The following ATP2B2 variants were observed in gnomAD, a reference collection of about 807,000 sequenced individuals.
The protein encoded by ATP2B2 is plasma membrane calcium-transporting ATPase 2.
A neutral mutation model predicts 120.0 loss-of-function variants in ATP2B2; 15 were observed. That is an observed-to-expected ratio of 0.12 (90% CI 0.08 to 0.19). The LOEUF (loss-of-function observed/expected upper bound fraction) is 0.19. ATP2B2 is among the 10% of genes least tolerant of loss of function. The pLI is 1.00. For missense variants in ATP2B2, 1,045 were observed against 1,719.8 expected (o/e 0.61, Z 6.94); for synonymous variants, 694 against 700.3 (o/e 0.99, Z 0.14).
intron 2 of ATP2B2, among the ~76,000 whole-genome samples, chr3:10,420,455 G>A (rs760742903): frequency 4.0e-5 from 6 of 151,864 alleles, no homozygotes; most frequent in Non-Finnish European, 5.9e-5. Context: ...TCCGCCTCCC[G>A]GCTTCAAGTG....
chr3:10,660,262 G>A (rs1361092926), intron 1 of ATP2B2, among the ~76,000 whole-genome samples: 1 of 151,358 alleles, frequency 6.6e-6, no homozygotes, highest in Non-Finnish European at 1.5e-5. Context: ...CAGAACTGAA[G>A]GAGATAGAGA....
chr3:10,615,251 TG>T (rs1252285017), intron 2 of ATP2B2, among the ~76,000 whole-genome samples: 1 of 152,030 alleles, frequency 6.6e-6, no homozygotes, highest in African/African-American at 2.4e-5. Flanking sequence ...GCTGCTGCCA[TG>T]GGGTGGGTGA....
chr3:10,396,119 A>G (rs2062027210), intron 5 of ATP2B2, among the ~76,000 whole-genome samples: 1 of 152,168 alleles, frequency 6.6e-6, no homozygotes, highest in South Asian at 2.1e-4. Flanking sequence ...TGAGGTTCTG[A>G]GGGGCAGAGG....
At position 10,360,169 on chromosome 3, in the gene ATP2B2, C is replaced by T. The variant is rs777999504; in HGVS notation, c.1660-46G>A. The T allele has an allele frequency of 2.5e-5, 38 of 1,542,518 alleles. 1 individual carries two copies. The highest frequency in any genetic ancestry group is 8.1e-5 in the African/African-American group (6 of 73,702). ...GGCTGGCACCTGGTGGGGCCTGTGT[C>T]GGGAGCCTCTGCCCTGGCTGCCACT... On this transcript the variant is annotated intron_variant, in intron 12 of 22. Coordinates refer to ENST00000360273, the MANE Select transcript of ATP2B2 (RefSeq NM_001001331.4).
At chr3:10,371,325 A>G (rs1575042761) in intron 12 of ATP2B2, among the ~76,000 whole-genome samples, 1 of 152,244 alleles carries the variant, frequency 6.6e-6, no homozygotes, top group African/African-American at 2.4e-5. Flanking sequence ...AGCTGAGGCC[A>G]TGCCAAGTCA....
At chr3:10,470,161 G>C (rs938231213) in intron 1 of ATP2B2, among the ~76,000 whole-genome samples, 1 of 152,130 alleles carries the variant, frequency 6.6e-6, no homozygotes, top group Non-Finnish European at 1.5e-5. Context: ...TGTCTCTGAC[G>C]AGGAGGTTGA....
At chr3:10,593,550 T>C (rs575367373) in intron 2 of ATP2B2, among the ~76,000 whole-genome samples, 1 of 152,280 alleles carries the variant, frequency 6.6e-6, no homozygotes, top group South Asian at 2.1e-4. Flanking sequence ...TTACACCTTA[T>C]ACAAAAATTA....
In ATP2B2 at chr3:10,340,743, G is replaced by A. The variant is rs765721135; in HGVS notation, c.2918-39C>T. ...GAGTGGGGCTGGGCTGAAGGCAGTG[G>A]TGGGGGAATCAGAGGGGAGATGCCT... On this transcript the variant is annotated intron_variant, in intron 19 of 22. Coordinates refer to ENST00000360273, the MANE Select transcript of ATP2B2 (RefSeq NM_001001331.4). This position sits in a 1 kb window ranked among gnomAD's most constrained non-coding sequence, Gnocchi z 5.0. 1 of 1,608,774 alleles carries A rather than the reference G, an allele frequency of 6.2e-7. No individual in the cohort carries two copies. The highest frequency in any genetic ancestry group is 1.1e-5 in the South Asian group (1 of 90,944).
chr3:10,570,799 C>G (rs2068106613), intron 2 of ATP2B2, among the ~76,000 whole-genome samples: 2 of 152,210 alleles, frequency 1.3e-5, no homozygotes, highest in South Asian at 4.1e-4. Context: ...CCTACTCTCC[C>G]CAGGACTTCG....
intron 1 of ATP2B2, among the ~76,000 whole-genome samples, chr3:10,496,439 T>C (rs1294111655): frequency 6.6e-6 from 1 of 152,220 alleles, no homozygotes; most frequent in Non-Finnish European, 1.5e-5. Context: ...CTATCTGATA[T>C]GGGGTATGAA....
chr3:10,499,858 G>A (rs2066309174), intron 1 of ATP2B2, among the ~76,000 whole-genome samples: 1 of 152,114 alleles, frequency 6.6e-6, no homozygotes, highest in South Asian at 2.1e-4. Flanking sequence ...AAGGTGGAAA[G>A]GTGAAGGAGC....
At chr3:10,389,738 G>A (rs1321251670) in intron 5 of ATP2B2, among the ~76,000 whole-genome samples, 1 of 152,228 alleles carries the variant, frequency 6.6e-6, no homozygotes, top group East Asian at 1.9e-4. Context: ...ACACTTACAA[G>A]TGGTTAAAAT....
intron 6 of ATP2B2, 103 bp from the exon 7 acceptor site, chr3:10,386,615 G>GTGT: frequency 9.4e-6 from 12 of 1,277,486 alleles, no homozygotes; most frequent in African/African-American, 1.5e-5. Flanking sequence ...ATACACACAT[G>GTGT]GCCATACACC....
intron 2 of ATP2B2, among the ~76,000 whole-genome samples, chr3:10,563,457 C>T (rs2067946502): frequency 6.6e-6 from 1 of 152,260 alleles, no homozygotes; most frequent in African/African-American, 2.4e-5. Flanking sequence ...ATGTGGCTTT[C>T]CCCCTTCCAC....
intron 1 of ATP2B2, among the ~76,000 whole-genome samples, chr3:10,500,952 C>A (rs552271228): frequency 3.6e-4 from 55 of 152,310 alleles, no homozygotes; most frequent in Non-Finnish European, 6.6e-4. Context: ...GATCACTGAC[C>A]CCTCTCACAA....
intron 1 of ATP2B2, among the ~76,000 whole-genome samples, chr3:10,496,285 C>T (rs916124097): frequency 9.9e-5 from 15 of 152,166 alleles, no homozygotes; most frequent in African/African-American, 3.4e-4. Context: ...TCCTCCTTAC[C>T]GGTCTGCAGC....
intron 1 of ATP2B2, among the ~76,000 whole-genome samples, chr3:10,495,747 C>T (rs2066121043): frequency 6.6e-6 from 1 of 152,230 alleles, no homozygotes; most frequent in Non-Finnish European, 1.5e-5. Context: ...AGGAGTGGCC[C>T]AGGCCACATA....
chr3:10,382,627 G>C (rs1353149842), intron 8 of ATP2B2, among the ~76,000 whole-genome samples: 1 of 151,948 alleles, frequency 6.6e-6, no homozygotes, highest in Non-Finnish European at 1.5e-5. Context: ...AAAGTGCTGG[G>C]ATTTCAGGCA....
chr3:10,409,920 A>T (rs2062549661), intron 3 of ATP2B2, among the ~76,000 whole-genome samples: 1 of 152,218 alleles, frequency 6.6e-6, no homozygotes, highest in African/African-American at 2.4e-5. Flanking sequence ...GAAAAAGCAG[A>T]TTATAAAACA....
Sources: gnomAD v4.1 joint callset for allele counts (sites outside exome capture counted in the v4.1 genomes callset) on GRCh38, gnomAD v4.1.1 for gene constraint, Gnocchi (gnomAD v3.1) non-coding constraint, MANE v1.5 for transcripts, NCBI Gene and HGNC (gene_info 2026-07-23, HGNC 2026-07-21) for gene names.